POTEE: variants seen among roughly 807,000 people sequenced by gnomAD.
The protein encoded by POTEE is POTE ankyrin domain family member E.
POTEE carries 21 observed loss-of-function variants against 74.2 expected under a neutral mutation model. That is an observed-to-expected ratio of 0.28 (90% CI 0.20 to 0.41). The LOEUF (loss-of-function observed/expected upper bound fraction) is 0.41. Ranked by LOEUF, POTEE falls within the 10% of genes least tolerant of loss-of-function variation. The pLI is 1.00. For missense variants in POTEE, 525 were observed against 1,158.6 expected, an observed-to-expected ratio of 0.45 and a Z score of 7.94; for synonymous variants, 211 against 432.8, an observed-to-expected ratio of 0.49 and a Z score of 6.36.
intron 2 of POTEE, among the ~76,000 whole-genome samples, chr2:131,214,812 T>C (rs1700418515): frequency 6.6e-6 from 1 of 151,770 alleles, no homozygotes; most frequent in Non-Finnish European, 1.5e-5. Flanking sequence ...TAGTTTTGTT[T>C]ACCTGGTTTG....
chr2:131,220,905 G>C (rs1174544002), intron 4 of POTEE, among the ~76,000 whole-genome samples: 2 of 146,534 alleles, frequency 1.4e-5, no homozygotes, highest in African/African-American at 5.0e-5. Context: ...AGGTTGCAGT[G>C]AGCCGAGATC....
chr2:131,225,149 C>T (rs1573706163), intron 6 of POTEE, among the ~76,000 whole-genome samples: 1 of 152,128 alleles, frequency 6.6e-6, no homozygotes, highest in Non-Finnish European at 1.5e-5. Context: ...TTGTGCATCC[C>T]AGTAACCTGA....
chr2:131,221,998 C>T (rs1700633319), intron 4 of POTEE, among the ~76,000 whole-genome samples: 1 of 152,286 alleles, frequency 6.6e-6, no homozygotes, highest in Admixed American at 6.5e-5. Context: ...TCATGTTTAT[C>T]TGCTGGGCTT....
chr2:131,228,563 A>C (rs1559179429), intron 8 of POTEE, among the ~76,000 whole-genome samples, 182 bp downstream of exon 8: 2 of 148,732 alleles, frequency 1.3e-5, no homozygotes. Context: ...TAGAAGTACC[A>C]ATGGGTGCGG....
At chr2:131,260,563 A>G (rs1158394652) in intron 16 of POTEE, among the ~76,000 whole-genome samples, 1 of 149,158 alleles carries the variant, frequency 6.7e-6, no homozygotes, top group Non-Finnish European at 1.5e-5. Flanking sequence ...GGTACTTCAC[A>G]CCTTTTTGAG....
At chr2:131,231,302 A>C (rs1700947970) in intron 9 of POTEE, among the ~76,000 whole-genome samples, 2 of 150,304 alleles carry the variant, frequency 1.3e-5, no homozygotes, top group Non-Finnish European at 3.0e-5. Context: ...CACTGATCTG[A>C]CTGGAGGCAG....
intron 4 of POTEE, among the ~76,000 whole-genome samples, chr2:131,222,411 G>C (rs1700647892): frequency 6.6e-6 from 1 of 151,690 alleles, no homozygotes; most frequent in South Asian, 2.1e-4. Context: ...CCTATTACAG[G>C]GTGAAGGGTG....
intron 4 of POTEE, among the ~76,000 whole-genome samples, chr2:131,221,724 A>G (rs960599767): frequency 1.1e-4 from 16 of 152,206 alleles, no homozygotes; most frequent in African/African-American, 3.1e-4. Flanking sequence ...TCTTTTCATT[A>G]GATATAGATT....
intron 2 of POTEE, among the ~76,000 whole-genome samples, chr2:131,213,214 G>T (rs1278527205): frequency 6.6e-6 from 1 of 152,202 alleles, no homozygotes; most frequent in Non-Finnish European, 1.5e-5. Flanking sequence ...ACCCACCTCG[G>T]TCGGCTGTGT....
intron 2 of POTEE, among the ~76,000 whole-genome samples, chr2:131,211,932 C>T (rs143934742): frequency 0.014 from 2,088 of 151,328 alleles, 44 homozygotes; most frequent in African/African-American, 0.049. Flanking sequence ...TAAAAGGTGT[C>T]ATAATAGGCC....
intron 6 of POTEE, among the ~76,000 whole-genome samples, chr2:131,225,663 G>C (rs1377880006): frequency 2.2e-3 from 324 of 147,174 alleles, no homozygotes; most frequent in African/African-American, 7.8e-3. Context: ...ACCTCTCCAA[G>C]CTCAGATGGT....
chr2:131,209,958 A>G (rs1573689006), intron 1 of POTEE, among the ~76,000 whole-genome samples, 139 bp downstream of exon 1: 1 of 78,818 alleles, frequency 1.3e-5, no homozygotes, highest in Admixed American at 1.9e-4. Context: ...CTGGCGGTGG[A>G]GGGGGGCGGT....
At chr2:131,256,640 C>G (rs368312805) in intron 16 of POTEE, among the ~76,000 whole-genome samples, 1 of 112,714 alleles carries the variant, frequency 8.9e-6, no homozygotes, top group Non-Finnish European at 1.8e-5. Context: ...TGCTTTTTCC[C>G]CAGATATTCT....
chr2:131,227,249 A>G (rs1470072948), intron 7 of POTEE, among the ~76,000 whole-genome samples: 3 of 149,034 alleles, frequency 2.0e-5, no homozygotes, highest in Non-Finnish European at 4.4e-5. Flanking sequence ...ATGACTCAGT[A>G]TTGAACTTCT....
intron 2 of POTEE, among the ~76,000 whole-genome samples, chr2:131,211,539 T>TGTGTGTGTGTGTGTGTGTGG (rs1395603597): frequency 1.3e-4 from 8 of 62,294 alleles, no homozygotes; most frequent in Admixed American, 2.6e-4. Flanking sequence ...TGTGTGTGTG[T>TGTGTGTGTGTGTGTGTGTGG]GGCTTTTTTT....
intron 12 of POTEE, among the ~76,000 whole-genome samples, chr2:131,240,038 G>C (rs1268676758): frequency 4.3e-5 from 6 of 140,402 alleles, no homozygotes; most frequent in Non-Finnish European, 1.5e-5. Flanking sequence ...ATACACTGCT[G>C]GTAAATACAT....
intron 2 of POTEE, among the ~76,000 whole-genome samples, chr2:131,214,488 G>T (rs1330390132): frequency 6.6e-6 from 1 of 152,256 alleles, no homozygotes; most frequent in Admixed American, 6.5e-5. Context: ...GTTGTGTTAT[G>T]GTTCATAAAG....
At chr2:131,214,781 T>C (rs1474491807) in intron 2 of POTEE, among the ~76,000 whole-genome samples, 1 of 152,248 alleles carries the variant, frequency 6.6e-6, no homozygotes, top group Non-Finnish European at 1.5e-5. Flanking sequence ...TGTCATAAAT[T>C]GATGCTTTGA....
At chr2:131,210,421 G>A (rs1216812717) in intron 1 of POTEE, among the ~76,000 whole-genome samples, 2 of 150,968 alleles carry the variant, frequency 1.3e-5, no homozygotes, top group Admixed American at 6.6e-5. Context: ...CGGCGGCAGG[G>A]GTCAGGTTAG....
Sources: gnomAD v4.1 joint callset for allele counts (sites outside exome capture counted in the v4.1 genomes callset) on GRCh38, gnomAD v4.1.1 for gene constraint, MANE v1.5 for transcripts, NCBI Gene and HGNC (gene_info 2026-07-23, HGNC 2026-07-21) for gene names.